MYRIP: variants seen among roughly 807,000 people sequenced by gnomAD.
MYRIP encodes the protein myosin VIIA and Rab interacting protein.
A neutral mutation model predicts 98.0 loss-of-function variants in MYRIP; 49 were observed. The ratio of observed to expected loss-of-function variants is 0.50; its 90% CI spans 0.40 to 0.63. The LOEUF (loss-of-function observed/expected upper bound fraction) is 0.63, where lower values mean the gene tolerates loss of function less well. MYRIP is among the 30% of genes least tolerant of loss of function. MYRIP has a pLI of 0.00. For synonymous variants in MYRIP, 404 were observed against 409.5 expected (o/e 0.99, Z 0.16); for missense variants, 1,004 against 1,058.2 (o/e 0.95, Z 0.71).
At chr3:39,820,435 G>C (rs1941070700) in intron 1 of MYRIP, among the ~76,000 whole-genome samples, 1 of 152,022 alleles carries the variant, frequency 6.6e-6, no homozygotes, top group Non-Finnish European at 1.5e-5. Flanking sequence ...AGTGCTTCCA[G>C]TTCCTAAAAC....
At chr3:40,115,278 C>T (rs548183184) in intron 3 of MYRIP, among the ~76,000 whole-genome samples, 50 of 152,140 alleles carry the variant, frequency 3.3e-4, no homozygotes, top group Admixed American at 9.2e-4. Flanking sequence ...ATTATTAGTT[C>T]TCATGCTGCT....
chr3:40,140,554 G>A (rs1250370178), intron 3 of MYRIP, among the ~76,000 whole-genome samples: 1 of 152,160 alleles, frequency 6.6e-6, no homozygotes, highest in African/African-American at 2.4e-5. Context: ...TCTCCATAGT[G>A]GCTCTACTAA....
intron 2 of MYRIP, among the ~76,000 whole-genome samples, chr3:40,032,046 G>A (rs1947273909): frequency 6.6e-6 from 1 of 151,950 alleles, no homozygotes; most frequent in Non-Finnish European, 1.5e-5. Context: ...GAATGTGTTT[G>A]CTCTTGCTTT....
intron 3 of MYRIP, among the ~76,000 whole-genome samples, chr3:40,104,817 A>G (rs1420590648): frequency 6.6e-6 from 1 of 152,228 alleles, no homozygotes; most frequent in Non-Finnish European, 1.5e-5. Flanking sequence ...GTTCTTGACA[A>G]TAAGACAACT....
chr3:40,068,345 A>T (rs1190954171), intron 3 of MYRIP, among the ~76,000 whole-genome samples: 1 of 152,192 alleles, frequency 6.6e-6, no homozygotes, highest in Non-Finnish European at 1.5e-5. Context: ...GGAGTAAAAC[A>T]ATGTTTTGCT....
chr3:39,934,333 G>A (rs1700307425), intron 2 of MYRIP, among the ~76,000 whole-genome samples: 1 of 152,092 alleles, frequency 6.6e-6, no homozygotes, highest in Admixed American at 6.6e-5. Context: ...TGTTTTTCAT[G>A]TCTACTCTCA....
At chr3:39,809,349 C>G (rs1216231253), upstream of MYRIP, among the ~76,000 whole-genome samples, 7 of 150,420 alleles carry the variant, frequency 4.7e-5, no homozygotes, top group African/African-American at 1.7e-4. Flanking sequence ...CGCGGGTCCC[C>G]GCCCCGGGCG....
chr3:39,824,529 TA>T (rs1359319502), intron 1 of MYRIP, among the ~76,000 whole-genome samples: 1 of 152,174 alleles, frequency 6.6e-6, no homozygotes, highest in Non-Finnish European at 1.5e-5. Flanking sequence ...AATTTCTTTT[TA>T]TCAGTGTTTT....
At chr3:39,983,890 T>C (rs1004054326) in intron 2 of MYRIP, among the ~76,000 whole-genome samples, 1 of 152,240 alleles carries the variant, frequency 6.6e-6, no homozygotes, top group Non-Finnish European at 1.5e-5. Context: ...CCCCCTGTTA[T>C]TATTAACTAG....
At chr3:40,124,471 G>C (rs1645908912) in intron 3 of MYRIP, among the ~76,000 whole-genome samples, 1 of 152,208 alleles carries the variant, frequency 6.6e-6, no homozygotes, top group South Asian at 2.1e-4. Flanking sequence ...TTGTGGTCAG[G>C]GCTGGTGCTG....
chr3:39,894,474 C>A (rs1439775195), intron 1 of MYRIP, among the ~76,000 whole-genome samples: 6 of 152,158 alleles, frequency 3.9e-5, no homozygotes, highest in Admixed American at 3.9e-4. Context: ...GTGTAGTGTT[C>A]CCGTGGGTGA....
intron 11 of MYRIP, among the ~76,000 whole-genome samples, chr3:40,222,823 T>TA (rs1952375819): frequency 6.6e-6 from 1 of 152,086 alleles, no homozygotes; most frequent in Admixed American, 6.5e-5. Context: ...AAATGCAAAA[T>TA]AAAAAATCCG....
At chr3:39,992,643 A>G (rs992874132) in intron 2 of MYRIP, among the ~76,000 whole-genome samples, 5 of 152,208 alleles carry the variant, frequency 3.3e-5, no homozygotes, top group African/African-American at 1.2e-4. Context: ...TAGACCACTG[A>G]TGTGGTTTTG....
intron 1 of MYRIP, among the ~76,000 whole-genome samples, chr3:39,884,461 T>A (rs907345039): frequency 6.6e-6 from 1 of 152,092 alleles, no homozygotes; most frequent in African/African-American, 2.4e-5. Context: ...GGTTGGACTT[T>A]GAGTAAAGCA....
chr3:39,837,122 A>G (rs909517500), intron 1 of MYRIP, among the ~76,000 whole-genome samples: 2 of 152,086 alleles, frequency 1.3e-5, no homozygotes, highest in Non-Finnish European at 2.9e-5. Context: ...ATTTCCCTTT[A>G]ATATTTCTGC....
chr3:40,190,911 G>C (rs1012100410), intron 10 of MYRIP, among the ~76,000 whole-genome samples: 3 of 152,176 alleles, frequency 2.0e-5, no homozygotes, highest in African/African-American at 7.2e-5. Context: ...CCTTGGGCAA[G>C]GCATCTCTCT....
At chr3:39,840,419 A>G (rs1166322840) in intron 1 of MYRIP, among the ~76,000 whole-genome samples, 3 of 152,078 alleles carry the variant, frequency 2.0e-5, no homozygotes, top group Non-Finnish European at 4.4e-5. Flanking sequence ...TCTTGACTCT[A>G]TCCAGTTTGC....
At chr3:39,928,110 TAA>T (rs1944457978) in intron 2 of MYRIP, among the ~76,000 whole-genome samples, 1 of 151,978 alleles carries the variant, frequency 6.6e-6, no homozygotes, top group African/African-American at 2.4e-5. Context: ...TTTGAAAGTA[TAA>T]GTTACTATAA....
chr3:39,811,085 G>C (rs1168370729), intron 1 of MYRIP, among the ~76,000 whole-genome samples: 1 of 152,176 alleles, frequency 6.6e-6, no homozygotes, highest in African/African-American at 2.4e-5. Flanking sequence ...GGTGGCTCCA[G>C]TGGGGCCGCC....
Sources: allele counts gnomAD v4.1 joint callset (sites outside exome capture counted in the v4.1 genomes callset), GRCh38; gene constraint gnomAD v4.1.1; transcripts MANE v1.5; gene names NCBI Gene and HGNC (gene_info 2026-07-23, HGNC 2026-07-21).